SYCP1: variants seen among roughly 807,000 people sequenced by gnomAD.
SYCP1 encodes synaptonemal complex protein 1.
SYCP1 carries 64 observed loss-of-function variants against 153.1 expected under a neutral mutation model. The observed-to-expected ratio is 0.42, with a 90% confidence interval of 0.34 to 0.51. The LOEUF is 0.51. Ranked by LOEUF, SYCP1 falls within the 20% of genes least tolerant of loss-of-function variation. The probability of loss-of-function intolerance (pLI) is 0.06; values close to 1 mark genes in which losing one functional copy is unlikely to be tolerated. For synonymous variants in SYCP1, 384 were observed against 341.8 expected, an observed-to-expected ratio of 1.12 and a Z score of -1.36; for missense variants, 997 against 1,049.0, an observed-to-expected ratio of 0.95 and a Z score of 0.68.
intron 28 of SYCP1, among the ~76,000 whole-genome samples, chr1:114,978,964 C>T (rs1672971858): frequency 6.6e-6 from 1 of 151,564 alleles, no homozygotes; most frequent in Non-Finnish European, 1.5e-5. Context: ...GTATGTATCA[C>T]ATATTCTTAT....
intron 27 of SYCP1, among the ~76,000 whole-genome samples, chr1:114,973,716 TTTG>T (rs1672634546): frequency 6.6e-6 from 1 of 152,000 alleles, no homozygotes. Flanking sequence ...GTCTTGCTTT[TTTG>T]TTGTTGTTGT....
Position 114,977,646 on chromosome 1 carries a change from A to G in SYCP1, c.2382+30A>G, listed in dbSNP as rs200600576. ...GAGCATATAATTCTCATAGTTTTAA[A>G]ATACCAATTCATTTTCTAACTTCTA... On this transcript the variant is annotated intron_variant, in intron 28 of 31. Coordinates refer to ENST00000369522, the MANE Select transcript of SYCP1 (RefSeq NM_003176.4). 7.4e-6 allele frequency: 10 copies of G among 1,347,786 alleles called. No homozygotes were observed. In the African/African-American group the frequency reaches 8.9e-5, roughly 12 times the overall value. 83.5% of individuals were successfully genotyped at this position (1,347,786 alleles called of 1,614,324 possible).
chr1:114,945,844 A>G (rs1670672576), intron 25 of SYCP1, among the ~76,000 whole-genome samples: 1 of 152,224 alleles, frequency 6.6e-6, no homozygotes, highest in East Asian at 1.9e-4. Context: ...GGTTTGTCAC[A>G]TATGTATACA....
Position 114,947,294 on chromosome 1 carries a change from C to A in SYCP1, c.2296C>A (p.Gln766Lys). 1 of 1,612,694 alleles carries A rather than the reference C, an allele frequency of 6.2e-7. No homozygotes were observed. The highest frequency in any genetic ancestry group is 8.5e-7 in the Non-Finnish European group (1 of 1,179,450). Residue 766 changes from glutamine to lysine, a missense_variant, in exon 27 of 32, where the codon CAA (glutamine) becomes AAA (lysine). This residue lies in a region of SYCP1 where 712 missense variants were observed against 682.9 expected (regional missense o/e 1.04). Transcript: ENST00000369522. ...LKAELLSVKK[Q>K]LEIEREEKEK... is the part of the protein sequence containing the mutation. ...AGCTGAACTTTTGTCTGTTAAGAAG[C>A]AACTTGAAATAGAAAGAGAAGAGAA...
chr1:114,895,126 T>A (rs1666972656), intron 15 of SYCP1, among the ~76,000 whole-genome samples: 1 of 152,076 alleles, frequency 6.6e-6, no homozygotes, highest in South Asian at 2.1e-4. Context: ...ATGTCAGATG[T>A]TTAGACAGTG....
At chr1:114,910,335 G>T (rs1668095375) in intron 16 of SYCP1, 62 bp from the exon 17 acceptor site, 1 of 1,192,990 alleles carries the variant, frequency 8.4e-7, no homozygotes, top group African/African-American at 1.6e-5. Context: ...CATTTGGGCA[G>T]TTTGATTACT....
intron 23 of SYCP1, among the ~76,000 whole-genome samples, chr1:114,928,960 G>A (rs760699942): frequency 4.3e-4 from 65 of 152,094 alleles, no homozygotes; most frequent in Non-Finnish European, 3.4e-4. Context: ...CAAGTCACTG[G>A]CAGATTCAGT....
At chr1:114,900,573 G>A (rs1029330757) in intron 16 of SYCP1, among the ~76,000 whole-genome samples, 3 of 152,152 alleles carry the variant, frequency 2.0e-5, no homozygotes, top group Non-Finnish European at 4.4e-5. Flanking sequence ...GAGCCACTGC[G>A]CCTAGCCTCT....
intron 27 of SYCP1, among the ~76,000 whole-genome samples, chr1:114,976,949 A>G (rs990837600): frequency 3.3e-5 from 5 of 151,696 alleles, no homozygotes. Context: ...GAGTTGTAAA[A>G]ATTTTGTGCT....
intron 13 of SYCP1, 22 bp from the exon 14 acceptor site, chr1:114,886,099 CTTGT>C: frequency 6.6e-7 from 1 of 1,511,866 alleles, no homozygotes. Context: ...GATCATTGCT[CTTGT>C]TTTATACTTT....
chr1:114,923,355 T>G (rs1296695503), intron 20 of SYCP1, 94 bp from the exon 21 acceptor site: 2 of 1,317,184 alleles, frequency 1.5e-6, no homozygotes. Flanking sequence ...GGTTAAAGAA[T>G]GTGGTCTTTA....
intron 27 of SYCP1, among the ~76,000 whole-genome samples, chr1:114,973,593 C>A (rs1355031535): frequency 6.6e-6 from 1 of 152,024 alleles, no homozygotes; most frequent in East Asian, 1.9e-4. Context: ...TATATTGTGG[C>A]TCTCTTACTG....
At chr1:114,980,422 A>G (rs555716705) in intron 28 of SYCP1, among the ~76,000 whole-genome samples, 2 of 152,060 alleles carry the variant, frequency 1.3e-5, no homozygotes, top group East Asian at 3.9e-4. Flanking sequence ...AAGTATTTAG[A>G]GTAAACTTGC....
intron 15 of SYCP1, among the ~76,000 whole-genome samples, chr1:114,891,282 C>T (rs1398801894): frequency 6.6e-6 from 1 of 152,164 alleles, no homozygotes; most frequent in Admixed American, 6.5e-5. Flanking sequence ...TCTTTTAGGT[C>T]AGACGTCTTT....
intron 23 of SYCP1, among the ~76,000 whole-genome samples, chr1:114,930,964 T>C (rs1285422025): frequency 6.6e-6 from 1 of 151,836 alleles, no homozygotes; most frequent in African/African-American, 2.4e-5. Context: ...AAATGTAAGG[T>C]TGGTTTAAAA....
At chr1:114,883,556 A>G (rs1451231394) in intron 12 of SYCP1, among the ~76,000 whole-genome samples, 3 of 152,348 alleles carry the variant, frequency 2.0e-5, no homozygotes, top group Admixed American at 2.0e-4. Context: ...ACTTAGGAGC[A>G]CTTCAAATTA....
chr1:114,970,556 C>T (rs746819973), intron 27 of SYCP1, among the ~76,000 whole-genome samples: 8 of 150,480 alleles, frequency 5.3e-5, no homozygotes, highest in Non-Finnish European at 1.0e-4. Context: ...GAGGAAAGAT[C>T]TGGGACTCAA....
intron 23 of SYCP1, among the ~76,000 whole-genome samples, chr1:114,933,540 A>T (rs910980915): frequency 1.3e-5 from 2 of 152,188 alleles, no homozygotes. Flanking sequence ...ACAAAGCTGG[A>T]TGGAGAATGA....
chr1:114,881,873 C>T (rs1033825535), intron 12 of SYCP1, among the ~76,000 whole-genome samples: 1 of 152,040 alleles, frequency 6.6e-6, no homozygotes, highest in Non-Finnish European at 1.5e-5. Context: ...TCTTCATCTT[C>T]GATTTTTAGC....
Sources: allele counts gnomAD v4.1 joint callset (sites outside exome capture counted in the v4.1 genomes callset), GRCh38; gene constraint gnomAD v4.1.1; regional missense constraint gnomAD v4.1.1; transcripts MANE v1.5; gene names NCBI Gene and HGNC (gene_info 2026-07-23, HGNC 2026-07-21).